Variants in CDH18 observed in about 807,000 individuals in gnomAD.
CDH18 encodes cadherin-18.
CDH18 carries 31 observed loss-of-function variants against 67.9 expected under a neutral mutation model. The ratio of observed to expected loss-of-function variants is 0.46; its 90% CI spans 0.34 to 0.62. CDH18 has a LOEUF of 0.62. CDH18 is among the 20% of genes least tolerant of loss of function. CDH18 has a pLI of 0.01. For missense variants in CDH18, 890 were observed against 975.5 expected (o/e 0.91, Z 1.17); for synonymous variants, 362 against 347.2 (o/e 1.04, Z -0.48).
intron 2 of CDH18, among the ~76,000 whole-genome samples, chr5:20,240,318 A>G (rs1742802101): frequency 6.6e-6 from 1 of 152,156 alleles, no homozygotes; most frequent in South Asian, 2.1e-4. Flanking sequence ...CAAAAAATCA[A>G]AATATGATTT....
chr5:19,958,036 C>T (rs1453603035), intron 2 of CDH18, among the ~76,000 whole-genome samples: 1 of 151,858 alleles, frequency 6.6e-6, no homozygotes, highest in African/African-American at 2.4e-5. Context: ...CACAAATAAA[C>T]TACCATTTTC....
intron 1 of CDH18, among the ~76,000 whole-genome samples, chr5:20,491,482 T>C (rs752305680): frequency 1.3e-5 from 2 of 152,274 alleles, no homozygotes; most frequent in African/African-American, 2.4e-5. Flanking sequence ...CATGTGATTA[T>C]AAAGGATGGC....
chr5:19,845,320 TTC>T (rs1156343099), intron 2 of CDH18, among the ~76,000 whole-genome samples: 1 of 152,154 alleles, frequency 6.6e-6, no homozygotes, highest in Non-Finnish European at 1.5e-5. Context: ...TTTACAAATG[TTC>T]TGTTTTTATT....
At chr5:19,959,878 A>G (rs2150296842) in intron 2 of CDH18, among the ~76,000 whole-genome samples, 1 of 152,272 alleles carries the variant, frequency 6.6e-6, no homozygotes, top group African/African-American at 2.4e-5. Flanking sequence ...TCTGCACAGC[A>G]TGTACAGGTG....
intron 1 of CDH18, chr5:20,304,075 G>C: frequency 6.2e-7 from 1 of 1,609,430 alleles, no homozygotes; most frequent in Non-Finnish European, 8.5e-7. Context: ...GTAAAATTTT[G>C]TGCAACTCGT....
chr5:20,299,585 C>T (rs1456971252), intron 1 of CDH18, among the ~76,000 whole-genome samples: 1 of 151,690 alleles, frequency 6.6e-6, no homozygotes, highest in African/African-American at 2.4e-5. Context: ...ATGGTGAAAC[C>T]CCGTCTCTAC....
chr5:20,052,960 T>C (rs1472243347), intron 2 of CDH18, among the ~76,000 whole-genome samples: 1 of 152,022 alleles, frequency 6.6e-6, no homozygotes, highest in African/African-American at 2.4e-5. Flanking sequence ...GCCTGAAGAA[T>C]CCCTGAGCAG....
At chr5:20,460,398 CATAA>C (rs71688150) in intron 1 of CDH18, among the ~76,000 whole-genome samples, 42,246 of 140,946 alleles carry the variant, frequency 0.3, 6,514 homozygotes, top group Non-Finnish European at 0.32. Flanking sequence ...TCTCTAAATA[CATAA>C]ATAAATAAAT....
At chr5:20,488,875 G>A (rs1231942686) in intron 1 of CDH18, among the ~76,000 whole-genome samples, 4 of 151,932 alleles carry the variant, frequency 2.6e-5, no homozygotes, top group African/African-American at 9.6e-5. Context: ...CCAAAATAAT[G>A]CAACAAAGAA....
chr5:20,391,923 A>G (rs1426641249), intron 1 of CDH18, among the ~76,000 whole-genome samples: 1 of 112,886 alleles, frequency 8.9e-6, no homozygotes, highest in Non-Finnish European at 1.8e-5. Context: ...ACAGTTACAA[A>G]ATGATTAATT....
At chr5:20,536,014 T>A (rs1190856761) in intron 1 of CDH18, among the ~76,000 whole-genome samples, 3 of 152,214 alleles carry the variant, frequency 2.0e-5, no homozygotes, top group African/African-American at 7.2e-5. Context: ...AGTCTTATGC[T>A]GTTTATTGTC....
At chr5:19,803,349 C>G (rs1202064792) in intron 3 of CDH18, among the ~76,000 whole-genome samples, 1 of 152,136 alleles carries the variant, frequency 6.6e-6, no homozygotes, top group Non-Finnish European at 1.5e-5. Context: ...ACATTTTCTT[C>G]CTAATTAGTC....
chr5:19,573,081 AT>A (rs748396535), intron 7 of CDH18, among the ~76,000 whole-genome samples: 34 of 152,198 alleles, frequency 2.2e-4, no homozygotes, highest in Non-Finnish European at 2.9e-4. Flanking sequence ...TTCCAAAAAA[AT>A]ATGTATCTTT....
At position 19,747,043 on chromosome 5, in the gene CDH18, G is replaced by A. The variant is rs1217196912; in HGVS notation, c.422C>T (p.Pro141Leu). The change falls in exon 4 of 13, where the codon CCT (proline) becomes CTT (leucine). Residue 141 changes from proline (P) to leucine (L), a missense_variant. Around this residue, in one of 2 missense-constraint regions of CDH18, gnomAD observed 234 missense variants for 307.4 expected, o/e 0.76. Transcript: ENST00000382275. ...IDRRTNKPLEPESEFIIKVQD... is the reference protein window; with the variant it reads ...IDRRTNKPLELESEFIIKVQD... ...CACTTTGATGATGAACTCGGATTCA[G>A]GCTCAAGAGGTTTGTTTGTACGTCT... 2.5e-6 allele frequency: 4 copies of A among 1,613,956 alleles called. No homozygotes were observed. Among genetic ancestry groups the A allele is most frequent in the South Asian group, 1.1e-5 (1 of 91,084 alleles).
intron 2 of CDH18, among the ~76,000 whole-genome samples, chr5:19,976,328 AT>A (rs1798496421): frequency 2.0e-5 from 3 of 152,134 alleles, no homozygotes; most frequent in Admixed American, 2.0e-4. Flanking sequence ...AATCTACATA[AT>A]TACAGAAAAA....
intron 2 of CDH18, among the ~76,000 whole-genome samples, chr5:20,219,316 T>A (rs1010093379): frequency 2.0e-5 from 3 of 151,716 alleles, no homozygotes; most frequent in Non-Finnish European, 4.4e-5. Flanking sequence ...ACACTAGGTA[T>A]CAAGATCAAA....
intron 2 of CDH18, among the ~76,000 whole-genome samples, chr5:19,888,528 T>C (rs1246870202): frequency 2.0e-5 from 3 of 151,986 alleles, no homozygotes; most frequent in Non-Finnish European, 2.9e-5. Context: ...AATTTATATA[T>C]ATGTAGTAGT....
chr5:20,304,404 T>G, intron 1 of CDH18: 11 of 1,407,126 alleles, frequency 7.8e-6, no homozygotes, highest in Non-Finnish European at 1.0e-5. Flanking sequence ...TTTACTTCAG[T>G]AACTACTACT....
intron 1 of CDH18, among the ~76,000 whole-genome samples, chr5:20,355,371 A>T (rs142941525): frequency 6.6e-6 from 1 of 152,346 alleles, no homozygotes; most frequent in East Asian, 1.9e-4. Flanking sequence ...CTTCTTCAAA[A>T]TGTCACACTC....
Sources: gnomAD v4.1 joint callset for allele counts (sites outside exome capture counted in the v4.1 genomes callset) on GRCh38, gnomAD v4.1.1 for gene constraint, gnomAD v4.1.1 regional missense constraint, MANE v1.5 for transcripts, NCBI Gene and HGNC (gene_info 2026-07-23, HGNC 2026-07-21) for gene names.